FRMD4A: variants seen among roughly 807,000 people sequenced by gnomAD.
The protein encoded by FRMD4A is FERM domain containing 4A, also known as FERM domain-containing protein 4A.
A neutral mutation model predicts 129.1 loss-of-function variants in FRMD4A; 29 were observed. The ratio of observed to expected loss-of-function variants is 0.22; its 90% CI spans 0.17 to 0.31. The LOEUF is 0.31. Ranked by LOEUF, FRMD4A falls within the 10% of genes least tolerant of loss-of-function variation. The pLI, the probability that FRMD4A is intolerant of heterozygous loss-of-function variation, is 1.00. For synonymous variants in FRMD4A, 634 were observed against 571.6 expected (o/e 1.11, Z -1.56); for missense variants, 1,272 against 1,375.8 (o/e 0.92, Z 1.19).
intron 2 of FRMD4A, among the ~76,000 whole-genome samples, chr10:14,231,993 A>G (rs189326362): frequency 2.6e-5 from 4 of 152,288 alleles, no homozygotes; most frequent in East Asian, 1.9e-4. Flanking sequence ...CTTTGTCATG[A>G]AATCTTTGCC....
intron 21 of FRMD4A, 96 bp downstream of exon 21, chr10:13,659,227 C>G: frequency 1.8e-6 from 2 of 1,093,044 alleles, no homozygotes; most frequent in Non-Finnish European, 2.8e-6. Flanking sequence ...TCAGGTCTGA[C>G]TGTAGCTCAT....
At chr10:14,054,142 A>G (rs991365221) in intron 2 of FRMD4A, among the ~76,000 whole-genome samples, 3 of 152,136 alleles carry the variant, frequency 2.0e-5, no homozygotes, top group African/African-American at 7.2e-5. Flanking sequence ...TCCAGCCTCC[A>G]TGACAGAGTG....
chr10:14,293,644 G>A (rs1272498015), intron 2 of FRMD4A, among the ~76,000 whole-genome samples: 19 of 150,578 alleles, frequency 1.3e-4, no homozygotes, highest in Admixed American at 1.1e-3. Flanking sequence ...AGCAATGCCC[G>A]TTGACCAGTG....
chr10:13,779,056 T>C (rs12414036), intron 6 of FRMD4A, among the ~76,000 whole-genome samples: 117,485 of 151,978 alleles, frequency 0.77, 45,885 homozygotes, highest in East Asian at 1. Context: ...TGGTGGCTCA[T>C]GCCTGTAATC....
intron 2 of FRMD4A, among the ~76,000 whole-genome samples, chr10:14,109,642 A>G (rs1837776204): frequency 1.3e-5 from 2 of 152,130 alleles, no homozygotes; most frequent in African/African-American, 4.8e-5. Context: ...CAACTTCTCA[A>G]TGTAATGCCT....
Position 14,126,995 on chromosome 10 carries a change from G to T in FRMD4A, c.45+203063C>A, listed in dbSNP as rs1001882064. On this transcript the variant is annotated intron_variant, in intron 2 of 24. Coordinates refer to ENST00000357447, the MANE Select transcript of FRMD4A (RefSeq NM_018027.5). ...TAGGGTCACAACAGTGAGCAAGAAT[G>T]CACAGTTCCTGCCCTTATGGAGCTT... Among the ~76,000 whole-genome samples the T allele has an allele frequency of 1.1e-4, 17 of 152,294 alleles. 1 individual carries two copies. The highest frequency in any genetic ancestry group is 7.2e-4 in the Admixed American group (11 of 15,302).
At chr10:14,004,862 T>G (rs1342292616) in intron 2 of FRMD4A, among the ~76,000 whole-genome samples, 1 of 152,232 alleles carries the variant, frequency 6.6e-6, no homozygotes, top group African/African-American at 2.4e-5. Context: ...CACCCCACCC[T>G]GCTGCTTTCT....
chr10:14,177,002 T>G (rs10752334), intron 2 of FRMD4A, among the ~76,000 whole-genome samples: 152,183 of 152,290 alleles, frequency 1, 76,038 homozygotes, highest in Middle Eastern at 1. Flanking sequence ...CTTCCATCCC[T>G]TTGGATTCTT....
chr10:14,174,570 A>G (rs1368176847), intron 2 of FRMD4A, among the ~76,000 whole-genome samples: 2 of 145,252 alleles, frequency 1.4e-5, no homozygotes, highest in African/African-American at 5.0e-5. Context: ...TCATTCGTTC[A>G]TCATTCCTTC....
intron 2 of FRMD4A, among the ~76,000 whole-genome samples, chr10:13,926,067 G>A (rs1021322887): frequency 1.3e-5 from 2 of 152,100 alleles, no homozygotes; most frequent in Non-Finnish European, 2.9e-5. Context: ...GAGGAAATTC[G>A]TGGCTGCAGA....
intron 2 of FRMD4A, among the ~76,000 whole-genome samples, chr10:13,992,867 C>T (rs978084856): frequency 4.9e-5 from 7 of 142,148 alleles, no homozygotes; most frequent in Non-Finnish European, 9.1e-5. Flanking sequence ...GCAGGAGGAT[C>T]GCTTGACCCC....
intron 3 of FRMD4A, among the ~76,000 whole-genome samples, chr10:13,819,059 T>C (rs1229974391): frequency 6.6e-6 from 1 of 151,966 alleles, no homozygotes; most frequent in Non-Finnish European, 1.5e-5. Context: ...ACCTAGGAGA[T>C]GGAGGTTGCA....
intron 2 of FRMD4A, among the ~76,000 whole-genome samples, chr10:14,214,773 G>T (rs558236773): frequency 6.6e-6 from 1 of 152,184 alleles, no homozygotes; most frequent in Non-Finnish European, 1.5e-5. Flanking sequence ...AACAAAAATT[G>T]TAGCATTCTG....
chr10:13,691,414 A>C (rs1032718826), intron 15 of FRMD4A, among the ~76,000 whole-genome samples: 1 of 152,144 alleles, frequency 6.6e-6, no homozygotes, highest in Non-Finnish European at 1.5e-5. Flanking sequence ...AGTCTGCCAG[A>C]TACAAGGGGG....
intron 2 of FRMD4A, among the ~76,000 whole-genome samples, chr10:14,211,614 T>C (rs1026196491): frequency 5.3e-5 from 8 of 152,202 alleles, no homozygotes; most frequent in Admixed American, 1.3e-4. Context: ...GGTCAAAGAT[T>C]GTATTCTACT....
chr10:13,711,998 T>A (rs1435467161), intron 12 of FRMD4A: 1 of 152,266 alleles, frequency 6.6e-6, no homozygotes, highest in Non-Finnish European at 1.5e-5. Flanking sequence ...TTTTTACAAA[T>A]GAGCTACAAT....
chr10:14,102,090 C>G (rs1222012604), intron 2 of FRMD4A, among the ~76,000 whole-genome samples: 4 of 152,170 alleles, frequency 2.6e-5, no homozygotes, highest in African/African-American at 9.7e-5. Context: ...TGCAAAGGAG[C>G]TCAGAAAAAG....
chr10:14,186,330 G>A (rs1589143532), intron 2 of FRMD4A, among the ~76,000 whole-genome samples: 1 of 152,152 alleles, frequency 6.6e-6, no homozygotes, highest in African/African-American at 2.4e-5. Context: ...TTGCACATGC[G>A]ACCCATGAGG....
chr10:13,660,475 T>G lies in FRMD4A; in HGVS notation c.1739A>C (p.Asn580Thr), dbSNP rs1190311021. The G allele has an allele frequency of 6.2e-7, 1 of 1,614,006 alleles. No individual in the cohort carries two copies. Among genetic ancestry groups the G allele is most frequent in the East Asian group, 2.2e-5 (1 of 44,890 alleles). ...KGLPPRPPSH[N>T]RPPPPQSLEG... ...CAGGGACTGGGGAGGAGGAGGCCTGTTGTGCGACGGTGGCCGAGGAGGGAG... is the reference window on the plus strand; with the variant it reads ...CAGGGACTGGGGAGGAGGAGGCCTGGTGTGCGACGGTGGCCGAGGAGGGAG... Residue 580 changes from asparagine to threonine, a missense_variant, in exon 20 of 25, where the codon AAC (asparagine) becomes ACC (threonine). Transcript: ENST00000357447.
Sources: allele counts gnomAD v4.1 joint callset (sites outside exome capture counted in the v4.1 genomes callset), GRCh38; gene constraint gnomAD v4.1.1; transcripts MANE v1.5; gene names NCBI Gene and HGNC (gene_info 2026-07-23, HGNC 2026-07-21).